The following FRMD6 variants were observed in gnomAD, a reference collection of about 807,000 sequenced individuals.
The protein encoded by FRMD6 is FERM domain-containing protein 6.
A neutral mutation model predicts 73.2 loss-of-function variants in FRMD6; 37 were observed. The ratio of observed to expected loss-of-function variants is 0.51; its 90% CI spans 0.39 to 0.66. The LOEUF is 0.66. Ranked by LOEUF, FRMD6 falls within the 30% of genes least tolerant of loss-of-function variation. The probability of loss-of-function intolerance (pLI) is 0.00; values close to 1 mark genes in which losing one functional copy is unlikely to be tolerated. For missense variants in FRMD6, 714 were observed against 780.5 expected, an observed-to-expected ratio of 0.91 and a Z score of 1.02; for synonymous variants, 273 against 282.2, an observed-to-expected ratio of 0.97 and a Z score of 0.33.
At chr14:51,590,182 A>G (rs1889311780) in intron 2 of FRMD6, among the ~76,000 whole-genome samples, 2 of 152,168 alleles carry the variant, frequency 1.3e-5, no homozygotes, top group African/African-American at 4.8e-5. Flanking sequence ...TTCCCAATAA[A>G]TTGAAAACAT....
At chr14:51,559,301 CCTT>C (rs1438569521) in intron 1 of FRMD6, among the ~76,000 whole-genome samples, 1 of 152,118 alleles carries the variant, frequency 6.6e-6, no homozygotes, top group African/African-American at 2.4e-5. Flanking sequence ...ATAATTTTTG[CCTT>C]CTTCTGCAAG....
the FRMD6 span, among the ~76,000 whole-genome samples, chr14:51,450,740 A>T: frequency 6.6e-6 from 1 of 152,240 alleles, no homozygotes; most frequent in African/African-American, 2.4e-5. Context: ...CAAACAAACC[A>T]TGACTATGGG....
the FRMD6 span, among the ~76,000 whole-genome samples, chr14:51,401,711 G>A: frequency 6.6e-6 from 1 of 152,166 alleles, no homozygotes; most frequent in African/African-American, 2.4e-5. Context: ...GCTGACAGAG[G>A]CACGTGACTG....
At chr14:51,517,953 A>G (rs1264732691) in intron 1 of FRMD6, among the ~76,000 whole-genome samples, 4 of 152,226 alleles carry the variant, frequency 2.6e-5, no homozygotes, top group East Asian at 3.9e-4. Flanking sequence ...GACCCAGCCA[A>G]TGAAATTTTT....
intron 5 of FRMD6, among the ~76,000 whole-genome samples, chr14:51,703,152 AG>A (rs1896427805): frequency 6.6e-6 from 1 of 152,034 alleles, no homozygotes; most frequent in Admixed American, 6.6e-5. Context: ...CAATTTGACA[AG>A]GGCAGGTAAT....
the FRMD6 span, among the ~76,000 whole-genome samples, chr14:51,404,696 C>T: frequency 6.6e-6 from 1 of 152,142 alleles, no homozygotes; most frequent in Non-Finnish European, 1.5e-5. Flanking sequence ...TGCCACAAGC[C>T]ACATGTATGC....
chr14:51,615,298 T>C (rs1057168189), intron 2 of FRMD6, among the ~76,000 whole-genome samples: 4 of 152,196 alleles, frequency 2.6e-5, no homozygotes, highest in Non-Finnish European at 4.4e-5. Context: ...CAAGCCACAT[T>C]GTTGATCCTT....
At chr14:51,676,932 ACTTT>A (rs768290926) in intron 1 of FRMD6, among the ~76,000 whole-genome samples, 15 of 152,192 alleles carry the variant, frequency 9.9e-5, no homozygotes, top group Middle Eastern at 3.4e-3. Flanking sequence ...TTATTTTTGA[ACTTT>A]CTTTTTTTCT....
chr14:51,568,155 C>T (rs1343610484), intron 1 of FRMD6, among the ~76,000 whole-genome samples: 1 of 152,178 alleles, frequency 6.6e-6, no homozygotes, highest in Non-Finnish European at 1.5e-5. Flanking sequence ...ATATCATAGG[C>T]TATATTTAGT....
the FRMD6 span, among the ~76,000 whole-genome samples, chr14:51,414,115 C>G: frequency 6.6e-6 from 1 of 152,182 alleles, no homozygotes; most frequent in Non-Finnish European, 1.5e-5. Flanking sequence ...CCTGTTCACT[C>G]TGATGGTAGT....
intron 5 of FRMD6, 131 bp from the exon 6 acceptor site, chr14:51,704,617 CA>C (rs1021773067): frequency 2.8e-6 from 2 of 708,378 alleles, no homozygotes; most frequent in African/African-American, 3.6e-5. Flanking sequence ...GCTTCCTTTT[CA>C]GTGAGGTGGG....
the FRMD6 span, among the ~76,000 whole-genome samples, chr14:51,467,285 C>T: frequency 6.6e-6 from 1 of 152,186 alleles, no homozygotes. Flanking sequence ...GGGTTGGGGG[C>T]AAGGCCATAG....
chr14:51,692,131 A>C (rs1895631715), intron 2 of FRMD6, among the ~76,000 whole-genome samples: 1 of 152,142 alleles, frequency 6.6e-6, no homozygotes, highest in Non-Finnish European at 1.5e-5. Flanking sequence ...CTATTGGATG[A>C]ACTTTGTCAT....
At chr14:51,665,908 A>G (rs929352778) in intron 1 of FRMD6, among the ~76,000 whole-genome samples, 2 of 152,190 alleles carry the variant, frequency 1.3e-5, no homozygotes, top group African/African-American at 2.4e-5. Context: ...ACCTTCTGCC[A>G]TGATTGTGAG....
intron 1 of FRMD6, among the ~76,000 whole-genome samples, chr14:51,564,747 G>A (rs181077573): frequency 6.6e-6 from 1 of 152,306 alleles, no homozygotes; most frequent in East Asian, 1.9e-4. Flanking sequence ...AACAGTTAAA[G>A]GGTGACTTCA....
At chr14:51,461,943 C>G in the FRMD6 span, among the ~76,000 whole-genome samples, 1 of 152,008 alleles carries the variant, frequency 6.6e-6, no homozygotes, top group Non-Finnish European at 1.5e-5. Context: ...GCTTAGCACA[C>G]AGCAGGCACT....
intron 2 of FRMD6, among the ~76,000 whole-genome samples, chr14:51,623,483 G>A (rs1029693574): frequency 6.6e-5 from 10 of 152,116 alleles, no homozygotes; most frequent in Admixed American, 3.9e-4. Flanking sequence ...CTGTCTTCCA[G>A]GTCTGTTACC....
intron 2 of FRMD6, among the ~76,000 whole-genome samples, chr14:51,610,338 T>TTA (rs368955536): frequency 1.7e-3 from 244 of 142,342 alleles, no homozygotes; most frequent in Middle Eastern, 7.0e-3. Flanking sequence ...CCTTTTTTTT[T>TTA]AAAAAAAAAA....
At chr14:51,644,278 C>T (rs1891950366) in intron 2 of FRMD6, among the ~76,000 whole-genome samples, 1 of 151,792 alleles carries the variant, frequency 6.6e-6, no homozygotes, top group South Asian at 2.1e-4. Context: ...GATATCCGGC[C>T]CAGAAGCTTC....
Sources: allele counts gnomAD v4.1 joint callset (sites outside exome capture counted in the v4.1 genomes callset), GRCh38; gene constraint gnomAD v4.1.1; transcripts MANE v1.5; gene names NCBI Gene and HGNC (gene_info 2026-07-23, HGNC 2026-07-21).